Variants in PTGES3 observed in about 807,000 individuals in gnomAD.
PTGES3 encodes the protein prostaglandin E synthase 3, also known as Hsp90 co-chaperone.
In PTGES3, 5 loss-of-function variants were observed where a neutral mutation model predicts 29.9. The observed-to-expected ratio is 0.17, with a 90% confidence interval of 0.09 to 0.35. The LOEUF is 0.35. PTGES3 is among the 10% of genes least tolerant of loss of function. The pLI, the probability that PTGES3 is intolerant of heterozygous loss-of-function variation, is 1.00. For missense variants in PTGES3, 128 were observed against 190.0 expected (o/e 0.67, Z 1.92); for synonymous variants, 49 against 57.8 (o/e 0.85, Z 0.69).
chr12:56,667,713 T>C (rs1951841585), intron 5 of PTGES3, among the ~76,000 whole-genome samples: 1 of 152,202 alleles, frequency 6.6e-6, no homozygotes, highest in Non-Finnish European at 1.5e-5. Flanking sequence ...TACTGTTAAA[T>C]AGGTATCAAA....
intron 1 of PTGES3, among the ~76,000 whole-genome samples, chr12:56,682,985 C>T (rs545372060): frequency 1.3e-5 from 2 of 150,622 alleles, no homozygotes; most frequent in African/African-American, 2.4e-5. Flanking sequence ...CAGAATGAGA[C>T]TCCGCCTCAA....
intron 1 of PTGES3, among the ~76,000 whole-genome samples, chr12:56,681,470 G>A (rs759559676): frequency 2.7e-5 from 4 of 147,602 alleles, no homozygotes; most frequent in African/African-American, 1.0e-4. Flanking sequence ...CCCGGGAGGC[G>A]GAGCCTGCAG....
intron 1 of PTGES3, among the ~76,000 whole-genome samples, chr12:56,678,198 G>A (rs575887944): frequency 6.6e-6 from 1 of 152,184 alleles, no homozygotes; most frequent in African/African-American, 2.4e-5. Context: ...TTATTTTTGA[G>A]ATGGAGTCTG....
chr12:56,672,029 T>A (rs1005334708), intron 3 of PTGES3, among the ~76,000 whole-genome samples, 182 bp from the exon 4 acceptor site: 2 of 151,952 alleles, frequency 1.3e-5, no homozygotes, highest in African/African-American at 4.8e-5. Context: ...AAGTTTCATT[T>A]AAAAAAAAAT....
At chr12:56,687,621 G>C (rs911201121) in intron 1 of PTGES3, 3 of 1,123,904 alleles carry the variant, frequency 2.7e-6, no homozygotes, top group Non-Finnish European at 3.3e-6. Context: ...CAGAACCGGA[G>C]CGCCCAAGCA....
At chr12:56,684,679 G>T (rs1482127739) in intron 1 of PTGES3, among the ~76,000 whole-genome samples, 1 of 151,968 alleles carries the variant, frequency 6.6e-6, no homozygotes, top group African/African-American at 2.4e-5. Context: ...TTAATCGGTC[G>T]AACGACAATG....
At chr12:56,665,797 T>C (rs1208768600) in intron 6 of PTGES3, 3 of 687,474 alleles carry the variant, frequency 4.4e-6, no homozygotes, top group East Asian at 1.3e-4. Context: ...CCTGCCATCA[T>C]GTCTGGCTAA....
chr12:56,665,465 T>C, intron 6 of PTGES3: 1 of 936,140 alleles, frequency 1.1e-6, no homozygotes, highest in Non-Finnish European at 1.3e-6. Context: ...CGGCTAATTT[T>C]TGTATTTTTA....
At chr12:56,682,558 A>G (rs1382970810) in intron 1 of PTGES3, among the ~76,000 whole-genome samples, 2 of 151,910 alleles carry the variant, frequency 1.3e-5, no homozygotes, top group African/African-American at 4.8e-5. Flanking sequence ...AGTGTCTCAG[A>G]AAAGAAGAAA....
chr12:56,683,689 G>A (rs1952676535), intron 1 of PTGES3, among the ~76,000 whole-genome samples: 1 of 149,840 alleles, frequency 6.7e-6, no homozygotes, highest in Non-Finnish European at 1.5e-5. Context: ...GCCGGGCGCG[G>A]TGGCTCACGC....
chr12:56,687,110 A>T, intron 1 of PTGES3: 1 of 762,892 alleles, frequency 1.3e-6, no homozygotes, highest in Non-Finnish European at 1.7e-6. Context: ...GCTTTCCTTT[A>T]TCATCGTAAA....
intron 1 of PTGES3, 65 bp from the exon 2 acceptor site, chr12:56,673,130 C>T (rs939350259): frequency 5.7e-6 from 6 of 1,059,838 alleles, no homozygotes; most frequent in Non-Finnish European, 8.4e-6. Flanking sequence ...ACATACTAAC[C>T]TTCGACACCA....
chr12:56,670,190 T>C (rs572095769), intron 5 of PTGES3, 85 bp downstream of exon 5: 32 of 868,790 alleles, frequency 3.7e-5, no homozygotes, highest in Non-Finnish European at 5.8e-5. Flanking sequence ...TGAATACCAT[T>C]AGGTGCCCAA....
In PTGES3 at chr12:56,678,415, G is replaced by A. The variant is rs1952368996; in HGVS notation, c.3-5350C>T. ...TGGTCTCGAACTCCTGACCTCAGGT[G>A]AGCCACCCGCCTCAGCCTCCCAAAG... On this transcript the variant is annotated intron_variant, in intron 1 of 7. Coordinates refer to ENST00000262033, the MANE Select transcript of PTGES3 (RefSeq NM_006601.7). Among the ~76,000 whole-genome samples, 3 of 152,110 alleles carry A rather than the reference G, an allele frequency of 2.0e-5. No individual in the cohort carries two copies. In the South Asian group the frequency reaches 6.2e-4, roughly 31 times the overall value.
intron 3 of PTGES3, 80 bp from the exon 4 acceptor site, chr12:56,671,927 TTCTCA>T: frequency 1.1e-6 from 1 of 871,444 alleles, no homozygotes; most frequent in Non-Finnish European, 1.6e-6. Flanking sequence ...TTTCTCACCT[TTCTCA>T]TTTCTTTACC....
intron 1 of PTGES3, among the ~76,000 whole-genome samples, chr12:56,685,799 CG>C (rs1952816941): frequency 1.0e-5 from 1 of 96,304 alleles, no homozygotes; most frequent in South Asian, 3.2e-4. Context: ...TTTTTTGAGA[CG>C]GAGTCTCCCT....
At chr12:56,669,069 G>C (rs1471631834) in intron 5 of PTGES3, among the ~76,000 whole-genome samples, 1 of 147,382 alleles carries the variant, frequency 6.8e-6, no homozygotes, top group Non-Finnish European at 1.5e-5. Flanking sequence ...GAGTGCAGTG[G>C]TGTGATCTCG....
intron 1 of PTGES3, chr12:56,686,727 C>G (rs1038675616): frequency 1.3e-5 from 5 of 394,572 alleles, no homozygotes; most frequent in Admixed American, 4.4e-5. Flanking sequence ...GGGGAGGGGG[C>G]TCCTTCAAAA....
intron 1 of PTGES3, among the ~76,000 whole-genome samples, chr12:56,686,238 C>T (rs1245975942): frequency 6.6e-6 from 1 of 152,176 alleles, no homozygotes; most frequent in Non-Finnish European, 1.5e-5. Context: ...TTATTAAAAG[C>T]TGCTTAATGC....
Sources: allele counts gnomAD v4.1 joint callset (sites outside exome capture counted in the v4.1 genomes callset), GRCh38; gene constraint gnomAD v4.1.1; transcripts MANE v1.5; gene names NCBI Gene and HGNC (gene_info 2026-07-23, HGNC 2026-07-21).